The following MBNL2 variants were observed in gnomAD, a reference collection of about 807,000 sequenced individuals.
MBNL2 encodes the protein muscleblind-like protein 2.
In MBNL2, 17 loss-of-function variants were observed where a neutral mutation model predicts 41.9. The observed-to-expected ratio is 0.41, with a 90% CI of 0.28 to 0.61. The LOEUF is 0.61. Ranked by LOEUF, MBNL2 falls within the 20% of genes least tolerant of loss-of-function variation. The probability of loss-of-function intolerance (pLI) is 0.35; values close to 1 mark genes in which losing one functional copy is unlikely to be tolerated. For synonymous variants in MBNL2, 195 were observed against 182.9 expected, an observed-to-expected ratio of 1.07 and a Z score of -0.53; for missense variants, 336 against 505.6, an observed-to-expected ratio of 0.66 and a Z score of 3.22.
the MBNL2 span, among the ~76,000 whole-genome samples, chr13:97,191,426 C>T: frequency 5.3e-5 from 8 of 151,508 alleles, no homozygotes; most frequent in African/African-American, 1.9e-4. Context: ...CCCTGCTTTA[C>T]TCACCCTTCA....
At chr13:97,187,593 TAAAAAAAAAAAAAA>T in the MBNL2 span, among the ~76,000 whole-genome samples, 821 of 51,526 alleles carry the variant, frequency 0.016, 15 homozygotes, top group Middle Eastern at 0.13. Context: ...CTATGCAGCT[TAAAAAAAAAAAAAA>T]AAAAAAAAAA....
intron 2 of MBNL2, among the ~76,000 whole-genome samples, chr13:97,315,165 AT>A (rs2058932415): frequency 6.6e-6 from 1 of 152,238 alleles, no homozygotes; most frequent in Non-Finnish European, 1.5e-5. Flanking sequence ...CCTCCTATGT[AT>A]ACTTTGATTA....
At position 97,222,544 on chromosome 13, in the gene MBNL2, C is replaced by T; in HGVS notation, c.-605+13C>T. Reference sequence around the variant, plus strand: ...AGAGCTAAACAAGGTAGGAGAATCGCCCCCCTTTTTTGAATGTTTAAAGAG... The same window carrying T: ...AGAGCTAAACAAGGTAGGAGAATCGTCCCCCTTTTTTGAATGTTTAAAGAG... On this transcript the variant is annotated intron_variant, in intron 1 of 8. Coordinates refer to ENST00000679496, the MANE Select transcript of MBNL2 (RefSeq NM_001382683.1). The T allele has an allele frequency of 5.0e-6, 2 of 398,288 alleles. No individual in the cohort carries two copies. Among genetic ancestry groups the T allele is most frequent in the Non-Finnish European group, 8.9e-6 (2 of 225,890 alleles). The allele number at this position is 398,288 out of a possible 1,614,324, so 24.7% of individuals were successfully genotyped here. A position where few individuals can be genotyped will look rare whatever the true frequency, so the allele number is the denominator to read the frequency against.
In MBNL2 at chr13:97,242,693, G is replaced by GC. The variant is rs554578151; in HGVS notation, c.-605+20168dup. 5.3e-5 allele frequency among the ~76,000 whole-genome samples: 8 copies of GC among 152,010 alleles called. No homozygotes were observed. The East Asian group carries it at 1.2e-3, about 22-fold the overall frequency. ...AATGAGGACTTCCTGGGTCCCGGGA[G>GC]CCCCCCGGGGTTGGGGATGAGGGTA... On this transcript the variant is annotated intron_variant, in intron 1 of 8. Coordinates refer to ENST00000679496, the MANE Select transcript of MBNL2 (RefSeq NM_001382683.1).
chr13:97,238,453 CA>C, intron 1 of MBNL2, among the ~76,000 whole-genome samples: 1 of 152,166 alleles, frequency 6.6e-6, no homozygotes. Context: ...GACAAAGGAT[CA>C]TGCTATTCAC....
intron 2 of MBNL2, among the ~76,000 whole-genome samples, chr13:97,290,199 TAAAC>T (rs2055544525): frequency 6.6e-6 from 1 of 152,178 alleles, no homozygotes; most frequent in South Asian, 2.1e-4. Context: ...TTAGCAAAAG[TAAAC>T]AAACTAATAA....
intron 1 of MBNL2, among the ~76,000 whole-genome samples, chr13:97,260,120 A>G (rs2048328000): frequency 6.6e-6 from 1 of 152,204 alleles, no homozygotes; most frequent in African/African-American, 2.4e-5. Flanking sequence ...GTAAGGAGGT[A>G]AGACTGATGC....
chr13:97,217,918 C>T (rs1027524503), upstream of MBNL2, among the ~76,000 whole-genome samples: 10 of 152,046 alleles, frequency 6.6e-5, no homozygotes, highest in African/African-American at 7.2e-5. Context: ...ATTCCAGAGA[C>T]AGGAATTCAC....
chr13:97,145,946 A>G, the MBNL2 span, among the ~76,000 whole-genome samples: 17 of 147,214 alleles, frequency 1.2e-4, no homozygotes, highest in African/African-American at 4.3e-4. Flanking sequence ...TTACTTGCAG[A>G]CAGGGTTCTA....
the MBNL2 span, among the ~76,000 whole-genome samples, chr13:97,205,916 T>C: frequency 6.6e-6 from 1 of 152,174 alleles, no homozygotes; most frequent in South Asian, 2.1e-4. Context: ...CTTCGAAATA[T>C]TGGGAAATGT....
rs761257541 is a variant in MBNL2, at chr13:97,366,664, TTTA to T, written c.1048+1496_1048+1498del. The T allele has an allele frequency of 2.4e-5, 18 of 747,552 alleles. No homozygotes were observed. The highest frequency in any genetic ancestry group is 3.9e-5 in the Non-Finnish European group (16 of 414,356). The allele number at this position is 747,552 out of a possible 1,614,324, so 46.3% of individuals were successfully genotyped here. ...TTTTTTTCATGTTTATCCATCAAAT[TTTA>T]TTTTTTTAATTAGTTTATAGCAAGC... On this transcript the variant is annotated intron_variant, in intron 8 of 8. Coordinates refer to ENST00000679496, the MANE Select transcript of MBNL2 (RefSeq NM_001382683.1). The surrounding 1 kb of genome is among the most constrained non-coding windows in gnomAD (Gnocchi z 4.7).
At chr13:97,243,917 G>A (rs927500619) in intron 1 of MBNL2, among the ~76,000 whole-genome samples, 3 of 151,990 alleles carry the variant, frequency 2.0e-5, no homozygotes, top group African/African-American at 7.2e-5. Flanking sequence ...AAAAGGTAGA[G>A]GGAAACTTCT....
chr13:97,195,350 C>T, the MBNL2 span, among the ~76,000 whole-genome samples: 1 of 152,084 alleles, frequency 6.6e-6, no homozygotes, highest in Non-Finnish European at 1.5e-5. Flanking sequence ...TGTGGCATGG[C>T]CCCCTATTTA....
chr13:97,340,481 A>C (rs907923186), intron 3 of MBNL2, among the ~76,000 whole-genome samples: 2 of 152,222 alleles, frequency 1.3e-5, no homozygotes, highest in Non-Finnish European at 2.9e-5. Flanking sequence ...TGAGGCCAAA[A>C]AAACCTTGAT....
rs1032333105 is a variant in MBNL2, at chr13:97,232,882, T to C, written c.-605+10351T>C. Among the ~76,000 whole-genome samples, 69 of 146,948 alleles carry C rather than the reference T, an allele frequency of 4.7e-4. 1 individual carries two copies. The South Asian group carries it at 0.015, about 32-fold the overall frequency. On this transcript the variant is annotated intron_variant, in intron 1 of 8. Coordinates refer to ENST00000679496, the MANE Select transcript of MBNL2 (RefSeq NM_001382683.1). ...GTGTGTGTGTGTGTGTGTGTGTGTG[T>C]GTGTGTGTGCGCACGTACACTGAAT...
At position 97,366,733 on chromosome 13, in the gene MBNL2, T is replaced by C. The variant is rs772615927; in HGVS notation, c.1048+1562T>C. 1.5e-6 allele frequency: 1 copy of C among 669,220 alleles called. No individual in the cohort carries two copies. The highest frequency in any genetic ancestry group is 1.6e-5 in the South Asian group (1 of 61,196). The allele number at this position is 669,220 out of a possible 1,614,324, so 41.5% of individuals were successfully genotyped here. A position where few individuals can be genotyped will look rare whatever the true frequency, so the allele number is the denominator to read the frequency against. On this transcript the variant is annotated intron_variant, in intron 8 of 8. Coordinates refer to ENST00000679496, the MANE Select transcript of MBNL2 (RefSeq NM_001382683.1). This position sits in a 1 kb window ranked among gnomAD's most constrained non-coding sequence, Gnocchi z 4.7. ...GCACTTATTTAGAGTTAACATTTAC[T>C]GCAAATAATGATGTAGCTATGTTTT... is the stretch of plus-strand genomic sequence containing the variant.
At chr13:97,285,903 T>C (rs2054330880) in intron 2 of MBNL2, among the ~76,000 whole-genome samples, 1 of 152,198 alleles carries the variant, frequency 6.6e-6, no homozygotes, top group African/African-American at 2.4e-5. Flanking sequence ...CTCTAAATAC[T>C]GGACTCTCTC....
intron 5 of MBNL2, among the ~76,000 whole-genome samples, chr13:97,351,242 G>A (rs1566435031): frequency 1.3e-5 from 2 of 152,280 alleles, no homozygotes; most frequent in East Asian, 3.9e-4. Context: ...AGTAAACCAT[G>A]TTGTAAATAC....
the MBNL2 span, among the ~76,000 whole-genome samples, chr13:97,211,443 C>T: frequency 1.3e-5 from 2 of 152,162 alleles, no homozygotes; most frequent in Non-Finnish European, 2.9e-5. Context: ...TTTTGTTTTG[C>T]TGTGGAAAAG....
Sources: allele counts gnomAD v4.1 joint callset (sites outside exome capture counted in the v4.1 genomes callset), GRCh38; gene constraint gnomAD v4.1.1; non-coding constraint Gnocchi (gnomAD v3.1); transcripts MANE v1.5; gene names NCBI Gene and HGNC (gene_info 2026-07-23, HGNC 2026-07-21).